The following TAFA2 variants were observed in gnomAD, a reference collection of about 807,000 sequenced individuals.
TAFA2 encodes TAFA chemokine like family member 2, also known as chemokine-like protein TAFA-2.
A neutral mutation model predicts 18.8 loss-of-function variants in TAFA2; 7 were observed. The observed-to-expected ratio is 0.37, with a 90% CI of 0.21 to 0.70. The LOEUF is 0.70. Among genes scored for constraint, TAFA2 ranks in the 30% least tolerant of loss-of-function variants. The pLI is 0.53. For missense variants in TAFA2, 122 were observed against 158.1 expected, an observed-to-expected ratio of 0.77 and a Z score of 1.23; for synonymous variants, 60 against 54.2, an observed-to-expected ratio of 1.11 and a Z score of -0.47.
At chr12:61,750,465 C>A (rs1868958125) in intron 4 of TAFA2, among the ~76,000 whole-genome samples, 1 of 152,080 alleles carries the variant, frequency 6.6e-6, no homozygotes, top group Admixed American at 6.6e-5. Context: ...TATTCTTTAC[C>A]TTTTCCCCCT....
At chr12:61,985,924 G>T (rs565087031) in intron 1 of TAFA2, among the ~76,000 whole-genome samples, 255 of 152,188 alleles carry the variant, frequency 1.7e-3, no homozygotes, top group Middle Eastern at 3.4e-3. Context: ...GCAGGCATTG[G>T]TAATCATAGC....
At chr12:62,037,254 T>C (rs903067569) in intron 1 of TAFA2, among the ~76,000 whole-genome samples, 2 of 152,220 alleles carry the variant, frequency 1.3e-5, no homozygotes, top group African/African-American at 4.8e-5. Flanking sequence ...GCTCGAAAAC[T>C]ATTGCCCATC....
At chr12:62,054,520 T>C (rs1397845277) in intron 1 of TAFA2, among the ~76,000 whole-genome samples, 1 of 152,204 alleles carries the variant, frequency 6.6e-6, no homozygotes, top group Admixed American at 6.5e-5. Context: ...CTGTAACTTA[T>C]TTTTAAACAG....
At chr12:61,843,684 G>A (rs1873284288) in intron 2 of TAFA2, among the ~76,000 whole-genome samples, 1 of 152,088 alleles carries the variant, frequency 6.6e-6, no homozygotes, top group Non-Finnish European at 1.5e-5. Flanking sequence ...GAAATTATGT[G>A]CCAGATGTTA....
At chr12:62,055,127 C>T (rs1882155055) in intron 1 of TAFA2, among the ~76,000 whole-genome samples, 2 of 152,084 alleles carry the variant, frequency 1.3e-5, no homozygotes, top group African/African-American at 4.8e-5. Context: ...CAGAGAGCTC[C>T]CTCCCCACTT....
At chr12:62,150,984 G>GA (rs1478386344) in intron 1 of TAFA2, among the ~76,000 whole-genome samples, 2 of 147,580 alleles carry the variant, frequency 1.4e-5, no homozygotes, top group African/African-American at 5.0e-5. Flanking sequence ...TCCAAGTGTT[G>GA]AAGGCCTTGT....
At chr12:61,780,837 G>A (rs1870473179) in intron 2 of TAFA2, among the ~76,000 whole-genome samples, 1 of 151,522 alleles carries the variant, frequency 6.6e-6, no homozygotes, top group South Asian at 2.1e-4. Context: ...ATATTGCAAC[G>A]GTCTTAAATA....
intron 1 of TAFA2, among the ~76,000 whole-genome samples, chr12:61,988,149 T>A (rs961395383): frequency 2.6e-5 from 4 of 152,076 alleles, no homozygotes; most frequent in Non-Finnish European, 4.4e-5. Flanking sequence ...AGCACCCTAC[T>A]TCACGGGTGT....
chr12:62,189,679 T>A (rs1376820570), intron 1 of TAFA2, among the ~76,000 whole-genome samples: 1 of 152,220 alleles, frequency 6.6e-6, no homozygotes, highest in Non-Finnish European at 1.5e-5. Flanking sequence ...TTCCTGGTTA[T>A]TTTGGTTTAG....
At chr12:62,128,485 C>A (rs1870553080) in intron 1 of TAFA2, among the ~76,000 whole-genome samples, 3 of 151,992 alleles carry the variant, frequency 2.0e-5, no homozygotes, top group African/African-American at 7.2e-5. Flanking sequence ...AAAAACAAAT[C>A]CAGGTAAAGA....
In TAFA2 at chr12:61,789,923, A is replaced by G. The variant is rs115403555; in HGVS notation, c.107-34899T>C. 8.9e-3 allele frequency among the ~76,000 whole-genome samples: 1,356 copies of G among 151,944 alleles called. 16 individuals are homozygous for G. The highest frequency in any genetic ancestry group is 0.031 in the African/African-American group (1,288 of 41,508). On this transcript the variant is annotated intron_variant, in intron 2 of 4. Transcript: ENST00000416284. Reference sequence around the variant, plus strand: ...CAAGGATGCAACAAAAAGGAAAACTACAGGCCAATATCCCTGAGTGAACAT... The same window carrying G: ...CAAGGATGCAACAAAAAGGAAAACTGCAGGCCAATATCCCTGAGTGAACAT...
intron 1 of TAFA2, among the ~76,000 whole-genome samples, chr12:62,132,826 C>G (rs1365623552): frequency 6.6e-6 from 1 of 151,858 alleles, no homozygotes. Flanking sequence ...AATATTATTA[C>G]AATACATCCA....
At chr12:62,201,853 C>A (rs1331605163) in intron 1 of TAFA2, among the ~76,000 whole-genome samples, 2 of 152,116 alleles carry the variant, frequency 1.3e-5, no homozygotes, top group Non-Finnish European at 2.9e-5. Context: ...AATTCAGCTG[C>A]AAATCTGTCT....
At chr12:62,203,282 G>A (rs762709808) in intron 1 of TAFA2, among the ~76,000 whole-genome samples, 5 of 152,362 alleles carry the variant, frequency 3.3e-5, no homozygotes, top group South Asian at 2.1e-4. Context: ...TAGAGTAAGC[G>A]CCATGTGGCG....
chr12:61,982,812 C>A (rs1357537906), intron 1 of TAFA2, among the ~76,000 whole-genome samples: 1 of 139,048 alleles, frequency 7.2e-6, no homozygotes, highest in Admixed American at 7.8e-5. Context: ...ATGTTAACTT[C>A]ATTTCACTAA....
At chr12:62,102,459 C>T (rs971634610) in intron 1 of TAFA2, among the ~76,000 whole-genome samples, 2 of 152,196 alleles carry the variant, frequency 1.3e-5, no homozygotes, top group African/African-American at 4.8e-5. Flanking sequence ...TTACTCCCCC[C>T]AGTGTGTATT....
intron 2 of TAFA2, among the ~76,000 whole-genome samples, chr12:61,817,950 C>T (rs1286728244): frequency 2.0e-5 from 3 of 152,104 alleles, no homozygotes; most frequent in Non-Finnish European, 2.9e-5. Flanking sequence ...ACCTTCACTC[C>T]TTGCTTCCAT....
intron 1 of TAFA2, among the ~76,000 whole-genome samples, chr12:62,117,867 T>G (rs1357117304): frequency 6.6e-6 from 1 of 152,170 alleles, no homozygotes; most frequent in Non-Finnish European, 1.5e-5. Context: ...TTTTGGGAAC[T>G]AGTTCATCTT....
intron 1 of TAFA2, among the ~76,000 whole-genome samples, chr12:62,188,451 G>A (rs1457203902): frequency 1.3e-5 from 2 of 152,120 alleles, no homozygotes; most frequent in Non-Finnish European, 2.9e-5. Flanking sequence ...AACATTCCTT[G>A]TTTGGGACAT....
Sources: gnomAD v4.1 joint callset for allele counts (sites outside exome capture counted in the v4.1 genomes callset) on GRCh38, gnomAD v4.1.1 for gene constraint, MANE v1.5 for transcripts, NCBI Gene and HGNC (gene_info 2026-07-23, HGNC 2026-07-21) for gene names.